The following KCNMB4 variants were observed in gnomAD, a reference collection of about 807,000 sequenced individuals.
KCNMB4 encodes the protein calcium-activated potassium channel subunit beta-4.
KCNMB4 carries 3 observed loss-of-function variants against 20.7 expected under a neutral mutation model. The ratio of observed to expected loss-of-function variants is 0.14; its 90% CI spans 0.07 to 0.37. The LOEUF is 0.37. Among genes scored for constraint, KCNMB4 ranks in the 10% least tolerant of loss-of-function variants. The pLI is 1.00. For missense variants in KCNMB4, 168 were observed against 265.9 expected (o/e 0.63, Z 2.56); for synonymous variants, 110 against 113.4 (o/e 0.97, Z 0.19).
chr12:70,414,594 C>A (rs1868866606), intron 2 of KCNMB4, among the ~76,000 whole-genome samples: 1 of 152,174 alleles, frequency 6.6e-6, no homozygotes, highest in Admixed American at 6.5e-5. Context: ...GAAGGCAGAA[C>A]ATTTCTACCA....
intron 1 of KCNMB4, among the ~76,000 whole-genome samples, chr12:70,388,462 A>G (rs1868274388): frequency 6.6e-6 from 1 of 152,036 alleles, no homozygotes; most frequent in African/African-American, 2.4e-5. Context: ...TGGTTGTACT[A>G]ATTTACACTC....
chr12:70,431,469 T>C lies in KCNMB4; in HGVS notation c.*816T>C, dbSNP rs1043815514. ...TGTGTGCAATACAATATACATGATG[T>C]GAAGGACACTCTTCAGCTTAGTGAA... On this transcript the variant is annotated 3_prime_UTR_variant, in exon 3 of 3. Coordinates refer to ENST00000258111, the MANE Select transcript of KCNMB4 (RefSeq NM_014505.6). The C allele has an allele frequency of 6.6e-6, 1 of 152,034 alleles. No homozygotes were observed. The highest frequency in any genetic ancestry group is 6.6e-5 in the Admixed American group (1 of 15,242). 9.4% of individuals were successfully genotyped at this position (152,034 alleles called of 1,614,324 possible).
intron 1 of KCNMB4, among the ~76,000 whole-genome samples, chr12:70,374,114 C>G (rs1313024166): frequency 6.6e-6 from 1 of 152,004 alleles, no homozygotes; most frequent in Non-Finnish European, 1.5e-5. Flanking sequence ...CTGTAAGGTC[C>G]CCAAAACTTA....
At chr12:70,423,486 T>G (rs76674672) in intron 2 of KCNMB4, among the ~76,000 whole-genome samples, 7 of 152,050 alleles carry the variant, frequency 4.6e-5, no homozygotes, top group African/African-American at 1.4e-4. Flanking sequence ...CTTTTTTTTT[T>G]GGAGAAGGTC....
intron 1 of KCNMB4, among the ~76,000 whole-genome samples, chr12:70,396,673 T>G (rs1868354534): frequency 6.6e-6 from 1 of 152,212 alleles, no homozygotes; most frequent in Non-Finnish European, 1.5e-5. Flanking sequence ...ATTATAATAT[T>G]TGCTCGTTTG....
intron 1 of KCNMB4, among the ~76,000 whole-genome samples, chr12:70,389,502 TG>T (rs1868283114): frequency 6.6e-6 from 1 of 152,132 alleles, no homozygotes; most frequent in African/African-American, 2.4e-5. Context: ...GGGACCAGCC[TG>T]GGCAACATAT....
chr12:70,415,223 C>G (rs28672988), intron 2 of KCNMB4, among the ~76,000 whole-genome samples: 40,721 of 152,038 alleles, frequency 0.27, 5,607 homozygotes, highest in East Asian at 0.37. Flanking sequence ...GACCAAATCA[C>G]ATAGCTGGCA....
At chr12:70,375,755 C>T (rs1389878964) in intron 1 of KCNMB4, among the ~76,000 whole-genome samples, 1 of 152,126 alleles carries the variant, frequency 6.6e-6, no homozygotes, top group Non-Finnish European at 1.5e-5. Flanking sequence ...TGTAGGGGTC[C>T]TATACGTATT....
At chr12:70,372,565 A>C (rs1483516757) in intron 1 of KCNMB4, among the ~76,000 whole-genome samples, 3 of 151,384 alleles carry the variant, frequency 2.0e-5, no homozygotes, top group Non-Finnish European at 4.4e-5. Flanking sequence ...AATGGCTCCA[A>C]AGTTTGTGTC....
chr12:70,412,692 T>C (rs779331138), intron 2 of KCNMB4, among the ~76,000 whole-genome samples: 14 of 152,204 alleles, frequency 9.2e-5, no homozygotes, highest in Non-Finnish European at 1.8e-4. Flanking sequence ...TTGTTTTTAC[T>C]AGCAGACCTC....
rs566839535 is a variant in KCNMB4 at position 70,429,335 on chromosome 12, G to A, written c.465-1150G>A. On this transcript the variant is annotated intron_variant, in intron 2 of 2. Coordinates refer to ENST00000258111, the MANE Select transcript of KCNMB4 (RefSeq NM_014505.6). ...GCAGGGCAAACCTTGTGGATGAAAC[G>A]GAAATATCTTACAAAATGTAAACCT... Among the ~76,000 whole-genome samples the A allele has an allele frequency of 5.3e-5, 8 of 152,176 alleles. No homozygotes were observed. In the East Asian group the frequency reaches 9.6e-4, roughly 18 times the overall value.
rs1337923338 is a variant in KCNMB4 at position 70,432,767 on chromosome 12, C to T, written c.*2114C>T. 1.3e-5 allele frequency: 2 copies of T among 152,050 alleles called. No homozygotes were observed. Among genetic ancestry groups the T allele is most frequent in the Non-Finnish European group, 2.9e-5 (2 of 68,020 alleles). The allele number at this position is 152,050 out of a possible 1,614,324, so 9.4% of individuals were successfully genotyped here. A position where few individuals can be genotyped will look rare whatever the true frequency, so the allele number is the denominator to read the frequency against. On this transcript the variant is annotated 3_prime_UTR_variant, in exon 3 of 3. Coordinates refer to ENST00000258111, the MANE Select transcript of KCNMB4 (RefSeq NM_014505.6). ...ATAGAGTAACACGAAACTGGGAGTC[C>T]GAGAAATAATCATCTCTGCATCACA...
intron 1 of KCNMB4, among the ~76,000 whole-genome samples, chr12:70,380,705 A>G (rs1187653481): frequency 6.6e-6 from 1 of 152,190 alleles, no homozygotes; most frequent in African/African-American, 2.4e-5. Context: ...AAGAGTGTCA[A>G]GAGCATTCAA....
Position 70,428,000 on chromosome 12 carries a change from C to CT in KCNMB4, c.465-2477dup, listed in dbSNP as rs367733305. Among the ~76,000 whole-genome samples, 944 of 152,014 alleles carry CT rather than the reference C, an allele frequency of 6.2e-3. 15 individuals carry two copies. The highest frequency in any genetic ancestry group is 0.021 in the African/African-American group (855 of 41,460). Reference sequence around the variant, plus strand: ...AAGTCCCTCACCCTGAATCCTTTTTCTTTTTTTTAACATCAAAACCATTTT... The same window carrying CT: ...AAGTCCCTCACCCTGAATCCTTTTTCTTTTTTTTTAACATCAAAACCATTTT... On this transcript the variant is annotated intron_variant, in intron 2 of 2. Coordinates refer to ENST00000258111, the MANE Select transcript of KCNMB4 (RefSeq NM_014505.6).
At chr12:70,392,587 C>G (rs1467910050) in intron 1 of KCNMB4, among the ~76,000 whole-genome samples, 1 of 152,106 alleles carries the variant, frequency 6.6e-6, no homozygotes, top group African/African-American at 2.4e-5. Flanking sequence ...AACCTAAATG[C>G]CCATCAATGA....
chr12:70,422,880 T>C, intron 2 of KCNMB4: 1 of 1,149,416 alleles, frequency 8.7e-7, no homozygotes, highest in Non-Finnish European at 1.1e-6. Context: ...AGTCTATTAC[T>C]CTGGGAGCAC....
At chr12:70,428,381 A>G (rs1014409702) in intron 2 of KCNMB4, among the ~76,000 whole-genome samples, 1 of 152,244 alleles carries the variant, frequency 6.6e-6, no homozygotes, top group African/African-American at 2.4e-5. Context: ...TGAAGAATTT[A>G]AGACTCATTT....
At chr12:70,412,086 A>G (rs1868794875) in intron 2 of KCNMB4, among the ~76,000 whole-genome samples, 1 of 152,144 alleles carries the variant, frequency 6.6e-6, no homozygotes, top group Non-Finnish European at 1.5e-5. Flanking sequence ...AAGGAAGTGG[A>G]ATCTGCAGAT....
At chr12:70,393,930 A>G (rs574106251) in intron 1 of KCNMB4, among the ~76,000 whole-genome samples, 2 of 152,236 alleles carry the variant, frequency 1.3e-5, no homozygotes, top group East Asian at 3.9e-4. Context: ...TTCCCAGCCC[A>G]TTCTCTGACA....
Sources: gnomAD v4.1 joint callset for allele counts (sites outside exome capture counted in the v4.1 genomes callset) on GRCh38, gnomAD v4.1.1 for gene constraint, MANE v1.5 for transcripts, NCBI Gene and HGNC (gene_info 2026-07-23, HGNC 2026-07-21) for gene names.